KCNH8: variants seen among roughly 807,000 people sequenced by gnomAD.
KCNH8 encodes potassium voltage-gated channel subfamily H member 8, also known as voltage-gated delayed rectifier potassium channel KCNH8.
In KCNH8, 70 loss-of-function variants were observed where a neutral mutation model predicts 103.6. That is an observed-to-expected ratio of 0.68 (90% CI 0.56 to 0.82). The LOEUF (loss-of-function observed/expected upper bound fraction) is 0.82. Among genes scored for constraint, KCNH8 ranks in the 40% least tolerant of loss-of-function variants. The probability of loss-of-function intolerance (pLI) is 0.00; values close to 1 mark genes in which losing one functional copy is unlikely to be tolerated. For missense variants in KCNH8, 1,217 were observed against 1,329.9 expected, an observed-to-expected ratio of 0.92 and a Z score of 1.32; for synonymous variants, 498 against 489.4, an observed-to-expected ratio of 1.02 and a Z score of -0.23.
At chr3:19,310,811 A>T (rs9875776) in intron 3 of KCNH8, among the ~76,000 whole-genome samples, 3 of 151,802 alleles carry the variant, frequency 2.0e-5, no homozygotes, top group Admixed American at 1.3e-4. Context: ...ATAACTATTC[A>T]TAATAAAAGA....
At chr3:19,267,526 A>G (rs1214791480) in intron 2 of KCNH8, among the ~76,000 whole-genome samples, 1 of 152,088 alleles carries the variant, frequency 6.6e-6, no homozygotes, top group Non-Finnish European at 1.5e-5. Flanking sequence ...ATTTTTAACC[A>G]TTTCTAGTGG....
At position 19,159,972 on chromosome 3, in the gene KCNH8, A is replaced by G. The variant is rs1040938275; in HGVS notation, c.76+11177A>G. Among the ~76,000 whole-genome samples the G allele has an allele frequency of 4.6e-5, 7 of 152,104 alleles. 1 individual carries two copies. The South Asian group carries it at 1.2e-3, about 27-fold the overall frequency. On this transcript the variant is annotated intron_variant, in intron 1 of 15. Transcript: ENST00000328405. Reference sequence around the variant, plus strand: ...TCTTTGGTATTAAAAAAATCCTACAATAAACCTTTTTGGGATCAATGACCT... The same window carrying G: ...TCTTTGGTATTAAAAAAATCCTACAGTAAACCTTTTTGGGATCAATGACCT...
intron 2 of KCNH8, among the ~76,000 whole-genome samples, chr3:19,258,947 C>CTCTCTCTCTCTA (rs1321918245): frequency 3.2e-4 from 8 of 24,802 alleles, no homozygotes; most frequent in East Asian, 1.0e-3. Flanking sequence ...CTCTCTCTCT[C>CTCTCTCTCTCTA]TATATATATA....
At chr3:19,342,532 T>G in intron 3 of KCNH8, 55 bp from the exon 4 acceptor site, 1 of 1,554,660 alleles carries the variant, frequency 6.4e-7, no homozygotes, top group South Asian at 1.2e-5. Flanking sequence ...AAAATGACAT[T>G]CTTGAGGTGA....
intron 5 of KCNH8, among the ~76,000 whole-genome samples, chr3:19,376,930 C>T (rs929269274): frequency 5.3e-5 from 8 of 152,098 alleles, no homozygotes; most frequent in Non-Finnish European, 7.3e-5. Context: ...AAAGGTCATT[C>T]GATGGGTACA....
chr3:19,453,162 A>T (rs1407991354), intron 10 of KCNH8, among the ~76,000 whole-genome samples: 2 of 152,122 alleles, frequency 1.3e-5, no homozygotes, highest in African/African-American at 2.4e-5. Context: ...GTACAGATGG[A>T]CATAGAGTGT....
intron 7 of KCNH8, among the ~76,000 whole-genome samples, chr3:19,430,799 A>C (rs1325209170): frequency 6.6e-6 from 1 of 152,016 alleles, no homozygotes; most frequent in Non-Finnish European, 1.5e-5. Context: ...CATTGTTGAT[A>C]TATAGAAATG....
chr3:19,313,699 G>T (rs2065235804), intron 3 of KCNH8, among the ~76,000 whole-genome samples: 1 of 147,410 alleles, frequency 6.8e-6, no homozygotes, highest in Admixed American at 6.7e-5. Flanking sequence ...AGATTCATTT[G>T]GAAAAAAAAA....
chr3:19,311,323 A>G lies in KCNH8; in HGVS notation c.442+29994A>G, dbSNP rs181344087. Among the ~76,000 whole-genome samples the G allele has an allele frequency of 5.8e-3, 882 of 151,896 alleles. 22 individuals carry two copies. The highest frequency in any genetic ancestry group is 3.0e-3 in the Non-Finnish European group (204 of 67,840). Reference sequence around the variant, plus strand: ...TTATTAACACCATTTTTAAAGATGAATAAACTGAAACCAAAAGAGGTTAAG... The same window carrying G: ...TTATTAACACCATTTTTAAAGATGAGTAAACTGAAACCAAAAGAGGTTAAG... On this transcript the variant is annotated intron_variant, in intron 3 of 15. Transcript: ENST00000328405.
intron 1 of KCNH8, among the ~76,000 whole-genome samples, chr3:19,193,590 T>C (rs1337736573): frequency 1.3e-5 from 2 of 151,696 alleles, no homozygotes; most frequent in African/African-American, 4.8e-5. Flanking sequence ...TAAAATTGTC[T>C]TATAATAGAA....
intron 1 of KCNH8, among the ~76,000 whole-genome samples, chr3:19,182,730 G>T (rs1369762438): frequency 1.3e-5 from 2 of 152,190 alleles, no homozygotes; most frequent in African/African-American, 4.8e-5. Context: ...CCTTATGAGT[G>T]AGCGTAAGTA....
intron 1 of KCNH8, among the ~76,000 whole-genome samples, chr3:19,149,224 A>G (rs2063104797): frequency 6.6e-6 from 1 of 152,154 alleles, no homozygotes; most frequent in Admixed American, 6.5e-5. Context: ...TCCGTGATAT[A>G]TTTCGGATAG....
chr3:19,516,550 T>C (rs2068877424), intron 14 of KCNH8, among the ~76,000 whole-genome samples: 1 of 152,068 alleles, frequency 6.6e-6, no homozygotes, highest in Admixed American at 6.6e-5. Context: ...TAAAAGCCTA[T>C]TGACACCTCA....
intron 3 of KCNH8, among the ~76,000 whole-genome samples, chr3:19,293,149 C>T (rs1369011750): frequency 2.0e-5 from 3 of 152,096 alleles, no homozygotes; most frequent in Non-Finnish European, 4.4e-5. Context: ...AAGAATGAGA[C>T]TTAGAGTGTA....
intron 1 of KCNH8, among the ~76,000 whole-genome samples, chr3:19,251,254 T>C (rs1219786714): frequency 1.3e-5 from 2 of 152,236 alleles, no homozygotes; most frequent in East Asian, 3.9e-4. Flanking sequence ...AAGTCCAACA[T>C]ACAATGTGTA....
intron 7 of KCNH8, among the ~76,000 whole-genome samples, chr3:19,414,070 C>A (rs1034945855): frequency 2.4e-4 from 37 of 152,104 alleles, no homozygotes; most frequent in African/African-American, 8.9e-4. Context: ...CCCATACTCA[C>A]ACTCTGCCCT....
At chr3:19,149,547 C>T (rs1403418648) in intron 1 of KCNH8, among the ~76,000 whole-genome samples, 1 of 151,796 alleles carries the variant, frequency 6.6e-6, no homozygotes, top group Admixed American at 6.6e-5. Flanking sequence ...TGCTAGCAGA[C>T]GGTTCGTTAT....
chr3:19,235,951 G>A (rs1357133671), intron 1 of KCNH8, among the ~76,000 whole-genome samples: 2 of 152,168 alleles, frequency 1.3e-5, no homozygotes, highest in East Asian at 1.9e-4. Context: ...TTTCAACATA[G>A]GGCCTTGTAG....
At chr3:19,261,264 ATC>A (rs1305745542) in intron 2 of KCNH8, among the ~76,000 whole-genome samples, 1 of 151,616 alleles carries the variant, frequency 6.6e-6, no homozygotes, top group African/African-American at 2.4e-5. Context: ...AACACTTGTT[ATC>A]TCATGTCTTT....
Sources: gnomAD v4.1 joint callset for allele counts (sites outside exome capture counted in the v4.1 genomes callset) on GRCh38, gnomAD v4.1.1 for gene constraint, MANE v1.5 for transcripts, NCBI Gene and HGNC (gene_info 2026-07-23, HGNC 2026-07-21) for gene names.